Variants in TTLL11 observed in about 807,000 individuals in gnomAD.
The protein encoded by TTLL11 is tubulin polyglutamylase TTLL11.
In TTLL11, 42 loss-of-function variants were observed where a neutral mutation model predicts 51.7. The ratio of observed to expected loss-of-function variants is 0.81; its 90% CI spans 0.64 to 1.05. TTLL11 has a LOEUF of 1.05. Among genes scored for constraint, TTLL11 ranks in the 50% least tolerant of loss-of-function variants. The pLI is 0.00. For synonymous variants in TTLL11, 381 were observed against 383.5 expected (o/e 0.99, Z 0.08); for missense variants, 799 against 940.4 (o/e 0.85, Z 1.97).
chr9:121,822,977 C>A lies in TTLL11; in HGVS notation c.1841-98G>T. 7.5e-7 allele frequency: 1 copy of A among 1,325,070 alleles called. No individual in the cohort carries two copies. The highest frequency in any genetic ancestry group is 1.0e-6 in the Non-Finnish European group (1 of 985,712). The allele number at this position is 1,325,070 out of a possible 1,614,324, so 82.1% of individuals were successfully genotyped here. ...CCACAAGGATGTCAGCAAGAGCTAG[C>A]CCCGCTCCCCACCACCGTCTCCATT... is the stretch of plus-strand genomic sequence containing the variant. On this transcript the variant is annotated intron_variant, in intron 8 of 8. Coordinates refer to ENST00000321582, the MANE Select transcript of TTLL11 (RefSeq NM_001139442.2). This position sits in a 1 kb window ranked among gnomAD's most constrained non-coding sequence, Gnocchi z 5.8.
rs886563911 is a variant in TTLL11 at position 121,816,171 on chromosome 9, T to C, written c.*6416A>G. On this transcript the variant is annotated 3_prime_UTR_variant, in exon 9 of 9. Transcript: ENST00000321582. ...AGATAGAACAAAGTGCATATGAAGG[T>C]CTGACTGCAAAGCCCTCGCTTTTCC... 3 of 152,146 alleles carry C rather than the reference T, an allele frequency of 2.0e-5. No individual in the cohort carries two copies. Among genetic ancestry groups the C allele is most frequent in the Non-Finnish European group, 4.4e-5 (3 of 68,018 alleles). 9.4% of individuals were successfully genotyped at this position (152,146 alleles called of 1,614,324 possible).
chr9:121,973,964 A>G, intron 6 of TTLL11, 45 bp downstream of exon 6: 1 of 1,446,812 alleles, frequency 6.9e-7, no homozygotes, highest in Non-Finnish European at 9.5e-7. Flanking sequence ...AAGCCGGGTT[A>G]GGAGGCAGAG....
At chr9:122,006,385 T>C (rs1299354360) in intron 3 of TTLL11, among the ~76,000 whole-genome samples, 1 of 140,702 alleles carries the variant, frequency 7.1e-6, no homozygotes, top group Non-Finnish European at 1.6e-5. Context: ...TACATTTTGC[T>C]TTTTTTTTCT....
At chr9:121,997,359 C>T (rs1843306493) in intron 3 of TTLL11, among the ~76,000 whole-genome samples, 1 of 152,090 alleles carries the variant, frequency 6.6e-6, no homozygotes, top group South Asian at 2.1e-4. Flanking sequence ...TGCCTGGCCT[C>T]CCCACTCCTT....
In TTLL11 at chr9:121,984,756, G is replaced by A. The variant is rs112072882; in HGVS notation, c.1269+4439C>T. Reference sequence around the variant, plus strand: ...GGCCAAGGAGATAATTAGATACAGGGAGCTAGAAGAAGATACAGACCAAGC... The same window carrying A: ...GGCCAAGGAGATAATTAGATACAGGAAGCTAGAAGAAGATACAGACCAAGC... On this transcript the variant is annotated intron_variant, in intron 4 of 8. Coordinates refer to ENST00000321582, the MANE Select transcript of TTLL11 (RefSeq NM_001139442.2). 2.6e-3 allele frequency among the ~76,000 whole-genome samples: 395 copies of A among 152,312 alleles called. 1 individual carries two copies. Among genetic ancestry groups the A allele is most frequent in the Non-Finnish European group, 4.4e-3 (300 of 68,026 alleles).
At chr9:121,876,354 C>T (rs899983847) in intron 6 of TTLL11, among the ~76,000 whole-genome samples, 3 of 152,200 alleles carry the variant, frequency 2.0e-5, no homozygotes, top group African/African-American at 7.2e-5. Context: ...GTTAAACATT[C>T]CTTCAATAAT....
intron 6 of TTLL11, among the ~76,000 whole-genome samples, chr9:121,899,371 A>ATATATATATGTATGTG (rs1839667741): frequency 1.4e-5 from 1 of 69,208 alleles, no homozygotes; most frequent in Admixed American, 1.8e-4. Context: ...GTGTGTATAT[A>ATATATATATGTATGTG]TATATACATA....
At chr9:122,008,078 C>T (rs944235523) in intron 3 of TTLL11, among the ~76,000 whole-genome samples, 2 of 152,070 alleles carry the variant, frequency 1.3e-5, no homozygotes, top group African/African-American at 4.8e-5. Flanking sequence ...CCCAGACAAA[C>T]CCAAATTGAG....
At chr9:121,935,393 A>T in intron 6 of TTLL11, among the ~76,000 whole-genome samples, 1 of 152,192 alleles carries the variant, frequency 6.6e-6, no homozygotes, top group Non-Finnish European at 1.5e-5. Flanking sequence ...GACTCCATAG[A>T]TATCCTGACA....
In TTLL11 at chr9:121,888,668, A is replaced by G. The variant is rs567830531; in HGVS notation, c.1482-17920T>C. 2.4e-4 allele frequency among the ~76,000 whole-genome samples: 37 copies of G among 152,374 alleles called. 1 individual carries two copies. The highest frequency in any genetic ancestry group is 8.4e-4 in the African/African-American group (35 of 41,596). On this transcript the variant is annotated intron_variant, in intron 6 of 8. Transcript: ENST00000321582. ...GAAGCCTGCACAAAGATATGGCTTC[A>G]GGATCTTCAAATACCTCAACTACGA...
chr9:121,841,939 G>T (rs1023714252), intron 8 of TTLL11, among the ~76,000 whole-genome samples: 2 of 152,142 alleles, frequency 1.3e-5, no homozygotes, highest in Non-Finnish European at 2.9e-5. Flanking sequence ...CTTCAGGGAA[G>T]ACATGGATGC....
chr9:121,989,168 C>T lies in TTLL11; in HGVS notation c.1269+27G>A, dbSNP rs777681900. 9 of 1,608,990 alleles carry T rather than the reference C, an allele frequency of 5.6e-6. No individual in the cohort carries two copies. The Admixed American group carries it at 8.4e-5, about 15-fold the overall frequency. On this transcript the variant is annotated intron_variant, in intron 4 of 8. Transcript: ENST00000321582. The surrounding 1 kb of genome is among the most constrained non-coding windows in gnomAD (Gnocchi z 4.2). Reference sequence around the variant, plus strand: ...TCTTGAGGCCGGTCAAGGCTGGAAACGCAGGCTGGGAACTGGCAATGGTTA... The same window carrying T: ...TCTTGAGGCCGGTCAAGGCTGGAAATGCAGGCTGGGAACTGGCAATGGTTA...
intron 1 of TTLL11, among the ~76,000 whole-genome samples, chr9:122,057,714 C>T (rs901519743): frequency 1.3e-5 from 2 of 152,140 alleles, no homozygotes; most frequent in African/African-American, 4.8e-5. Flanking sequence ...GGCCTTGAGA[C>T]CACAGAACCA....
intron 3 of TTLL11, among the ~76,000 whole-genome samples, chr9:122,009,899 C>T (rs1244542696): frequency 6.6e-6 from 1 of 151,992 alleles, no homozygotes; most frequent in East Asian, 1.9e-4. Flanking sequence ...GAGATGGCTA[C>T]TATATATAAT....
chr9:121,903,845 T>C (rs901202003), intron 6 of TTLL11, among the ~76,000 whole-genome samples: 1 of 152,180 alleles, frequency 6.6e-6, no homozygotes, highest in Admixed American at 6.5e-5. Flanking sequence ...ATTAGGTAAA[T>C]GTAAAGTATT....
intron 8 of TTLL11, among the ~76,000 whole-genome samples, chr9:121,826,153 AAT>A (rs10562547): frequency 0.26 from 18,456 of 70,426 alleles, 2,891 homozygotes; most frequent in Middle Eastern, 0.41. Context: ...ATCAAAGTAG[AAT>A]ATATATATAT....
At chr9:122,073,769 C>T (rs1193221694) in intron 1 of TTLL11, among the ~76,000 whole-genome samples, 1 of 152,194 alleles carries the variant, frequency 6.6e-6, no homozygotes, top group Non-Finnish European at 1.5e-5. Context: ...AAGGCCATGG[C>T]CCTTACTTGC....
intron 6 of TTLL11, among the ~76,000 whole-genome samples, chr9:121,877,514 G>A (rs1252446533): frequency 6.6e-6 from 1 of 152,040 alleles, no homozygotes; most frequent in African/African-American, 2.4e-5. Context: ...CCCACGTTGA[G>A]CCTATTCCCA....
At chr9:122,091,533 C>T (rs1163442429) in intron 1 of TTLL11, among the ~76,000 whole-genome samples, 2 of 152,198 alleles carry the variant, frequency 1.3e-5, no homozygotes, top group African/African-American at 4.8e-5. Context: ...CCCTCCAAAC[C>T]AAATGCACTT....
Sources: gnomAD v4.1 joint callset for allele counts (sites outside exome capture counted in the v4.1 genomes callset) on GRCh38, gnomAD v4.1.1 for gene constraint, Gnocchi (gnomAD v3.1) non-coding constraint, MANE v1.5 for transcripts, NCBI Gene and HGNC (gene_info 2026-07-23, HGNC 2026-07-21) for gene names.